The following TRIM10 variants were observed in gnomAD, a reference collection of about 807,000 sequenced individuals.
The protein encoded by TRIM10 is tripartite motif containing 10.
In TRIM10, 42 loss-of-function variants were observed where a neutral mutation model predicts 40.0. The ratio of observed to expected loss-of-function variants is 1.05; its 90% confidence interval spans 0.82 to 1.36. TRIM10 has a LOEUF of 1.36. TRIM10 is among the 40% of genes most tolerant of loss of function. The pLI, the probability that TRIM10 is intolerant of heterozygous loss-of-function variation, is 0.00. For synonymous variants in TRIM10, 260 were observed against 239.5 expected, an observed-to-expected ratio of 1.09 and a Z score of -0.79; for missense variants, 601 against 608.3, an observed-to-expected ratio of 0.99 and a Z score of 0.13.
chr6:30,157,024 C>T lies in TRIM10; in HGVS notation c.810G>A (p.Val270=), dbSNP rs1471506729. 6.2e-7 allele frequency: 1 copy of T among 1,613,086 alleles called. No homozygotes were observed. The highest frequency in any genetic ancestry group is 1.3e-5 in the African/African-American group (1 of 75,050). Residue 270 remains valine (V), a synonymous_variant, in exon 5 of 7, where the codon GTG becomes GTA. Transcript: ENST00000449742. The part of the protein sequence containing the change: ...RCETRKCRKP[V]AVSPELGQRI... ...TCTGGCCCAGCTCTGGCGACACAGC[C>T]ACCGGTTTCCGGCACTTTCTGGTTT...
chr6:30,160,411 C>G lies in TRIM10; in HGVS notation c.429+19G>C. 1 of 1,607,000 alleles carries G rather than the reference C, an allele frequency of 6.2e-7. No individual in the cohort carries two copies. The highest frequency in any genetic ancestry group is 2.2e-5 in the East Asian group (1 of 44,806). ...TCCAGTCCAGTCCACCCTGGGATCC[C>G]CCAGTTCCCCTTTCCTACCCTATAG... On this transcript the variant is annotated intron_variant, in intron 1 of 6. Coordinates refer to ENST00000449742, the MANE Select transcript of TRIM10 (RefSeq NM_006778.4).
chr6:30,153,171 C>T lies in TRIM10; in HGVS notation c.*798G>A, dbSNP rs1261572621. ...GATGGCACACATCTGCCCATAATGA[C>T]AATGGAGACAACCCAGTGCTCCAGA... On this transcript the variant is annotated 3_prime_UTR_variant, in exon 7 of 7. Transcript: ENST00000449742. 1 of 156,148 alleles carries T rather than the reference C, an allele frequency of 6.4e-6. No individual in the cohort carries two copies. Among genetic ancestry groups the T allele is most frequent in the Non-Finnish European group, 1.4e-5 (1 of 70,248 alleles). 9.7% of individuals were successfully genotyped at this position (156,148 alleles called of 1,614,324 possible). A position where few individuals can be genotyped will look rare whatever the true frequency, so the allele number is the denominator to read the frequency against.
In TRIM10 at chr6:30,153,685, T is replaced by C; in HGVS notation, c.*284A>G. 6.2e-7 allele frequency: 1 copy of C among 1,610,874 alleles called. No homozygotes were observed. The highest frequency in any genetic ancestry group is 8.5e-7 in the Non-Finnish European group (1 of 1,179,072). On this transcript the variant is annotated 3_prime_UTR_variant, in exon 7 of 7. Coordinates refer to ENST00000449742, the MANE Select transcript of TRIM10 (RefSeq NM_006778.4). ...TCTTCTGACTTCAAATCCAGTGCCC[T>C]TTCTATGCAGCTACTTCTGTGCCAA...
Position 30,153,386 on chromosome 6 carries a change from G to A in TRIM10, c.*583C>T, listed in dbSNP as rs1186903788. The A allele has an allele frequency of 2.0e-5, 7 of 344,712 alleles. No homozygotes were observed. Among genetic ancestry groups the A allele is most frequent in the East Asian group, 5.0e-5 (1 of 20,106 alleles). 21.4% of individuals were successfully genotyped at this position (344,712 alleles called of 1,614,324 possible). ...CCATAATGCTGGGGTTGGACTTCCC[G>A]TAACACCCACCACACTGTGCTGTAA... On this transcript the variant is annotated 3_prime_UTR_variant, in exon 7 of 7. Transcript: ENST00000449742.
chr6:30,157,473 A>G, intron 3 of TRIM10, 82 bp from the exon 4 acceptor site: 1 of 1,397,612 alleles, frequency 7.2e-7, no homozygotes, highest in South Asian at 1.3e-5. Flanking sequence ...CTTTTATTTT[A>G]TTTATTTTTT....
upstream of TRIM10, chr6:30,163,407 T>C (rs868534788): frequency 7.3e-5 from 40 of 546,314 alleles, no homozygotes; most frequent in Middle Eastern, 5.2e-3. Context: ...ACTGGCTTAC[T>C]TGGCCGCCAC....
In TRIM10 at chr6:30,154,452, G is replaced by A; in HGVS notation, c.963C>T (p.Pro321=). Residue 321 remains proline, a synonymous_variant, in exon 7 of 7, where the codon CCC becomes CCT. Transcript: ENST00000449742. The part of the protein sequence containing the change: ...HISLDPQTSH[P]KLLLSEDHQR... ...GGTGGTCCTCGGACAAGAGGAGCTTGGGGTGGGAAGTCTGAGGGTCTAGAG... is the reference window on the plus strand; with the variant it reads ...GGTGGTCCTCGGACAAGAGGAGCTTAGGGTGGGAAGTCTGAGGGTCTAGAG... 1 of 1,612,642 alleles carries A rather than the reference G, an allele frequency of 6.2e-7. No homozygotes were observed. Among genetic ancestry groups the A allele is most frequent in the East Asian group, 2.2e-5 (1 of 44,874 alleles).
chr6:30,160,714 G>C lies in TRIM10; in HGVS notation c.145C>G (p.Pro49Ala). The change falls in exon 1 of 7, where the codon CCA becomes GCA. Residue 49 changes from proline (P) to alanine (A), a missense_variant. Transcript: ENST00000449742. The part of the protein sequence containing the change: ...CLTRYCEIPG[P>A]DLEESPTCPL... ...CAAGTAGGGGACTCCTCCAGGTCTG[G>C]GCCTGGTATCTCACAGTAGCGGGTA... 6.2e-7 allele frequency: 1 copy of C among 1,614,184 alleles called. No homozygotes were observed. Among genetic ancestry groups the C allele is most frequent in the Non-Finnish European group, 8.5e-7 (1 of 1,180,040 alleles).
chr6:30,160,287 C>T, intron 1 of TRIM10, 143 bp downstream of exon 1: 1 of 871,800 alleles, frequency 1.1e-6, no homozygotes, highest in Non-Finnish European at 1.7e-6. Flanking sequence ...ACACAATTTT[C>T]CATGCCTGGG....
chr6:30,159,339 C>G, intron 1 of TRIM10, 94 bp from the exon 2 acceptor site: 1 of 847,912 alleles, frequency 1.2e-6, no homozygotes, highest in South Asian at 1.5e-5. Context: ...ATGAAATGGC[C>G]CCAGGAGAGG....
chr6:30,154,189 C>T lies in TRIM10; in HGVS notation c.1226G>A (p.Trp409Ter), dbSNP rs1581561442. ...GGAGCCCAGAGCCGAGACGAAGCCC[C>T]AAGCCAGCCTCACAGCCCACACCCC... Reference protein sequence around the residue: ...EEGVWAVRLAWGFVSALGSFP... With the variant: ...EEGVWAVRLA Residue 409 changes from tryptophan to a stop codon, truncating the protein, a stop_gained, in exon 7 of 7, where the codon TGG becomes TAG. Coordinates refer to ENST00000449742, the MANE Select transcript of TRIM10 (RefSeq NM_006778.4). LOFTEE classifies it high-confidence loss of function. 2.5e-6 allele frequency: 4 copies of T among 1,612,076 alleles called. No homozygotes were observed. The highest frequency in any genetic ancestry group is 2.5e-6 in the Non-Finnish European group (3 of 1,179,242).
In TRIM10 at chr6:30,153,871, TC is replaced by T. The variant is rs1205445290; in HGVS notation, c.*97del. On this transcript the variant is annotated 3_prime_UTR_variant, in exon 7 of 7. Transcript: ENST00000449742. ...CATCTTCTAAAGCAGTCATTTCTATTCCAAGTCATCCAGGTGATTCAGCCAG... is the reference window on the plus strand; with the variant it reads ...CATCTTCTAAAGCAGTCATTTCTATTCAAGTCATCCAGGTGATTCAGCCAG... 1.3e-6 allele frequency: 2 copies of T among 1,595,376 alleles called. No homozygotes were observed. Among genetic ancestry groups the T allele is most frequent in the Non-Finnish European group, 1.7e-6 (2 of 1,169,056 alleles).
At chr6:30,155,134 T>C (rs1227166003) in intron 6 of TRIM10, among the ~76,000 whole-genome samples, 1 of 152,142 alleles carries the variant, frequency 6.6e-6, no homozygotes, top group East Asian at 1.9e-4. Context: ...TAAATTTAGG[T>C]CCATCTGTGG....
Position 30,152,287 on chromosome 6 carries a change from T to C in TRIM10, c.*1682A>G, listed in dbSNP as rs923663056. ...AAGCCAGGATCTTCATACACATACA[T>C]TTTAGAGGATAATAGTCCTTTCAAA... On this transcript the variant is annotated 3_prime_UTR_variant, in exon 7 of 7. Transcript: ENST00000449742. The C allele has an allele frequency of 2.0e-5, 3 of 152,144 alleles. No individual in the cohort carries two copies. Among genetic ancestry groups the C allele is most frequent in the Admixed American group, 6.5e-5 (1 of 15,272 alleles). 9.4% of individuals were successfully genotyped at this position (152,144 alleles called of 1,614,324 possible).
Position 30,155,623 on chromosome 6 carries a change from G to A in TRIM10, c.928+104C>T, listed in dbSNP as rs556710737. ...ATATGTATCCATGGGTGTTTGTTAT[G>A]ACTATTGTCATAGTCATAACATAGT... On this transcript the variant is annotated intron_variant, in intron 6 of 6. Transcript: ENST00000449742. 3.3e-4 allele frequency: 332 copies of A among 992,830 alleles called. No individual in the cohort carries two copies. In the African/African-American group the frequency reaches 4.7e-3, roughly 14 times the overall value. The allele number at this position is 992,830 out of a possible 1,614,324, so 61.5% of individuals were successfully genotyped here.
intron 3 of TRIM10, among the ~76,000 whole-genome samples, 163 bp from the exon 4 acceptor site, chr6:30,157,554 T>C (rs1373476117): frequency 6.6e-6 from 1 of 152,048 alleles, no homozygotes; most frequent in Non-Finnish European, 1.5e-5. Flanking sequence ...GGCGTGATCA[T>C]GGCTCACTGC....
At chr6:30,163,672 G>C, upstream of TRIM10, 1 of 1,591,490 alleles carries the variant, frequency 6.3e-7, no homozygotes, top group Non-Finnish European at 8.6e-7. Context: ...GACGGGCTGG[G>C]GAAGGCACCG....
At position 30,160,779 on chromosome 6, in the gene TRIM10, A is replaced by G; in HGVS notation, c.80T>C (p.Val27Ala). ...GAAGTTGTGGCCGCAGTCGATAGTG[A>G]CCGGCTCCCTCAGGGTACCCTGACA... ...PICQGTLREPVTIDCGHNFCR... is the reference protein window; with the variant it reads ...PICQGTLREPATIDCGHNFCR... The change falls in exon 1 of 7, where the codon GTC becomes GCC. Residue 27 changes from valine (V) to alanine (A), a missense_variant. Coordinates refer to ENST00000449742, the MANE Select transcript of TRIM10 (RefSeq NM_006778.4). 6.2e-7 allele frequency: 1 copy of G among 1,614,094 alleles called. No individual in the cohort carries two copies. Among genetic ancestry groups the G allele is most frequent in the Non-Finnish European group, 8.5e-7 (1 of 1,180,020 alleles).
chr6:30,156,870 C>T (rs1772577565), intron 5 of TRIM10, 69 bp downstream of exon 5: 8 of 1,335,068 alleles, frequency 6.0e-6, no homozygotes, highest in South Asian at 2.3e-5. Flanking sequence ...AGCAGTGGAG[C>T]GTGGAGGCCA....
Sources: gnomAD v4.1 joint callset for allele counts (sites outside exome capture counted in the v4.1 genomes callset) on GRCh38, gnomAD v4.1.1 for gene constraint, MANE v1.5 for transcripts, NCBI Gene and HGNC (gene_info 2026-07-23, HGNC 2026-07-21) for gene names.